The following GBP7 variants were observed in gnomAD, a reference collection of about 807,000 sequenced individuals.
GBP7 encodes guanylate binding protein 7, also known as guanylate-binding protein 7.
In GBP7, 43 loss-of-function variants were observed where a neutral mutation model predicts 61.3. The observed-to-expected ratio is 0.70, with a 90% CI of 0.55 to 0.91. GBP7 has a LOEUF of 0.91. Ranked by LOEUF, GBP7 falls within the 40% of genes least tolerant of loss-of-function variation. GBP7 has a pLI of 0.00. For synonymous variants in GBP7, 267 were observed against 271.0 expected, an observed-to-expected ratio of 0.99 and a Z score of 0.14; for missense variants, 717 against 740.5, an observed-to-expected ratio of 0.97 and a Z score of 0.37.
At chr1:89,172,052 T>G in intron 1 of GBP7, 98 bp from the exon 2 acceptor site, 1 of 846,306 alleles carries the variant, frequency 1.2e-6, no homozygotes, top group Non-Finnish European at 1.8e-6. Context: ...TCTTGAACAT[T>G]GTTTCTTGTG....
intron 8 of GBP7, among the ~76,000 whole-genome samples, chr1:89,142,401 C>A (rs980734625): frequency 6.6e-6 from 1 of 152,122 alleles, no homozygotes; most frequent in South Asian, 2.1e-4. Flanking sequence ...TGTGTGCCAC[C>A]GCAGCTGGCT....
chr1:89,164,447 C>T (rs561714900), intron 3 of GBP7, among the ~76,000 whole-genome samples: 57 of 152,306 alleles, frequency 3.7e-4, no homozygotes, highest in African/African-American at 1.3e-3. Context: ...CTTTGAAATT[C>T]AGGATTCTTT....
intron 7 of GBP7, among the ~76,000 whole-genome samples, chr1:89,148,241 C>G (rs1682112417): frequency 6.6e-6 from 1 of 152,212 alleles, no homozygotes; most frequent in Non-Finnish European, 1.5e-5. Context: ...TTTGCTTACA[C>G]TTCTAAGCTA....
rs1414852937 is a variant in GBP7 at position 89,147,809 on chromosome 1, G to C, written c.1153-30C>G. On this transcript the variant is annotated intron_variant, in intron 7 of 10. Transcript: ENST00000294671. ...CAGAAAAGTGTAGGGAAAAACAGTA[G>C]AAAGAAGCTGTTAGAAGGGAAGGTC... The C allele has an allele frequency of 3.1e-6, 5 of 1,609,006 alleles. No homozygotes were observed. The East Asian group carries it at 1.1e-4, about 36-fold the overall frequency.
chr1:89,169,301 A>C (rs1348282397), intron 2 of GBP7, among the ~76,000 whole-genome samples: 1 of 152,208 alleles, frequency 6.6e-6, no homozygotes, highest in Admixed American at 6.5e-5. Flanking sequence ...GATATGTGAA[A>C]GAGCTCTATT....
intron 3 of GBP7, among the ~76,000 whole-genome samples, chr1:89,160,126 C>T (rs540995414): frequency 6.6e-6 from 1 of 152,130 alleles, no homozygotes; most frequent in Admixed American, 6.5e-5. Context: ...AAAGCAAACA[C>T]CGCATGTTCT....
chr1:89,164,358 C>T (rs1177048920), intron 3 of GBP7, among the ~76,000 whole-genome samples: 1 of 152,236 alleles, frequency 6.6e-6, no homozygotes, highest in African/African-American at 2.4e-5. Flanking sequence ...CTTTCAGCAT[C>T]TGAGCACTCT....
chr1:89,154,350 ATTTTCTTT>A (rs1388852069), intron 3 of GBP7, among the ~76,000 whole-genome samples: 1 of 152,024 alleles, frequency 6.6e-6, no homozygotes, highest in African/African-American at 2.4e-5. Context: ...CAAAAATTCT[ATTTTCTTT>A]TTTTCTTTTT....
At chr1:89,142,748 C>T (rs1411427869) in intron 8 of GBP7, among the ~76,000 whole-genome samples, 1 of 150,344 alleles carries the variant, frequency 6.7e-6, no homozygotes, top group Non-Finnish European at 1.5e-5. Flanking sequence ...AAGGAAGGAC[C>T]TAGGCATTTT....
chr1:89,150,687 T>C, intron 5 of GBP7, 112 bp from the exon 6 acceptor site: 1 of 1,103,236 alleles, frequency 9.1e-7, no homozygotes, highest in East Asian at 2.4e-5. Context: ...TGTCTGTGAA[T>C]CTACTCTATG....
intron 3 of GBP7, among the ~76,000 whole-genome samples, chr1:89,157,824 T>C (rs1260034892): frequency 6.6e-6 from 1 of 151,728 alleles, no homozygotes; most frequent in African/African-American, 2.4e-5. Flanking sequence ...TTCCAATCAG[T>C]AGAAAAACAG....
Position 89,150,191 on chromosome 1 carries a change from G to GA in GBP7, c.871+138dup, listed in dbSNP as rs1277826145. ...AATACAGCTTTTATACCCTCACTGA[G>GA]AAAAAATCCTTCACTTATCCCACAC... is the stretch of plus-strand genomic sequence containing the variant. On this transcript the variant is annotated intron_variant, in intron 6 of 10. Coordinates refer to ENST00000294671, the MANE Select transcript of GBP7 (RefSeq NM_207398.3). 9.2e-6 allele frequency: 7 copies of GA among 758,178 alleles called. 1 individual carries two copies. The highest frequency in any genetic ancestry group is 5.2e-5 in the Admixed American group (2 of 38,794). 47.0% of individuals were successfully genotyped at this position (758,178 alleles called of 1,614,324 possible). A position where few individuals can be genotyped will look rare whatever the true frequency, so the allele number is the denominator to read the frequency against.
At chr1:89,142,217 T>C in intron 8 of GBP7, among the ~76,000 whole-genome samples, 1 of 66,290 alleles carries the variant, frequency 1.5e-5, no homozygotes, top group Admixed American at 1.4e-4. Context: ...TTTAGTCTAT[T>C]TAGGAGTAGT....
chr1:89,164,708 A>T lies in GBP7; in HGVS notation c.318+23T>A, dbSNP rs751925761. On this transcript the variant is annotated intron_variant, in intron 3 of 10. Coordinates refer to ENST00000294671, the MANE Select transcript of GBP7 (RefSeq NM_207398.3). ...AAATAGAGAATCAAAGGTAAAGAAG[A>T]TTTCTCTATGTCTCTTTCTTACCTT... 6.2e-6 allele frequency: 10 copies of T among 1,610,680 alleles called. No homozygotes were observed. The East Asian group carries it at 2.2e-4, about 36-fold the overall frequency.
rs750432210 is a variant in GBP7 at position 89,149,482 on chromosome 1, C to T, written c.962G>A (p.Cys321Tyr). 6.2e-7 allele frequency: 1 copy of T among 1,614,170 alleles called. No individual in the cohort carries two copies. Among genetic ancestry groups the T allele is most frequent in the South Asian group, 1.1e-5 (1 of 91,080 alleles). ...CCTCTGCACGGCTGCTGAGTTCTCACACTGGGCCAGAACTGCCATTGCATT... is the reference window on the plus strand; with the variant it reads ...CCTCTGCACGGCTGCTGAGTTCTCATACTGGGCCAGAACTGCCATTGCATT... Reference protein sequence around the residue: ...LENAMAVLAQCENSAAVQRAA... With the variant: ...LENAMAVLAQYENSAAVQRAA... Residue 321 changes from cysteine (C) to tyrosine (Y), a missense_variant, in exon 7 of 11, where the codon TGT becomes TAT. By Grantham distance (194) the Cys-to-Tyr change is radical. Around this residue, in one of 3 missense-constraint regions of GBP7, gnomAD observed 387 missense variants for 385.2 expected, o/e 1.00. Transcript: ENST00000294671.
intron 1 of GBP7, among the ~76,000 whole-genome samples, chr1:89,175,313 T>A (rs1647711843): frequency 6.6e-6 from 1 of 152,228 alleles, no homozygotes; most frequent in Non-Finnish European, 1.5e-5. Flanking sequence ...TTTTCTGTGA[T>A]CATGACCCAT....
At chr1:89,153,257 A>G (rs1035512472) in intron 3 of GBP7, among the ~76,000 whole-genome samples, 6 of 152,166 alleles carry the variant, frequency 3.9e-5, no homozygotes, top group African/African-American at 1.4e-4. Flanking sequence ...TAATTCATTC[A>G]TTTGGTTGTT....
intron 8 of GBP7, among the ~76,000 whole-genome samples, 189 bp downstream of exon 8, chr1:89,147,378 G>GA (rs1682093664): frequency 6.6e-6 from 1 of 151,848 alleles, no homozygotes; most frequent in South Asian, 2.1e-4. Context: ...TCCTCTTTGG[G>GA]AAAAAAAATA....
At chr1:89,168,659 G>T (rs1436151919) in intron 2 of GBP7, among the ~76,000 whole-genome samples, 1 of 152,000 alleles carries the variant, frequency 6.6e-6, no homozygotes, top group Non-Finnish European at 1.5e-5. Context: ...AACTGGCCAG[G>T]TGTGGTGGCT....
Sources: allele counts gnomAD v4.1 joint callset (sites outside exome capture counted in the v4.1 genomes callset), GRCh38; gene constraint gnomAD v4.1.1; regional missense constraint gnomAD v4.1.1; transcripts MANE v1.5; gene names NCBI Gene and HGNC (gene_info 2026-07-23, HGNC 2026-07-21).